Variants in CLVS1 observed in about 807,000 individuals in gnomAD.
CLVS1 encodes clavesin-1.
CLVS1 carries 10 observed loss-of-function variants against 33.1 expected under a neutral mutation model. The observed-to-expected ratio is 0.30, with a 90% confidence interval of 0.19 to 0.51. CLVS1 has a LOEUF of 0.51. Among genes scored for constraint, CLVS1 ranks in the 20% least tolerant of loss-of-function variants. CLVS1 has a pLI of 0.97. For missense variants in CLVS1, 343 were observed against 433.4 expected (o/e 0.79, Z 1.85); for synonymous variants, 163 against 166.1 (o/e 0.98, Z 0.14).
chr8:61,163,254 T>C (rs1806785747), intron 2 of CLVS1, among the ~76,000 whole-genome samples: 1 of 152,202 alleles, frequency 6.6e-6, no homozygotes, highest in African/African-American at 2.4e-5. Context: ...GGAGTGAATT[T>C]TTGGGTATCA....
intron 4 of CLVS1, 98 bp downstream of exon 4, chr8:61,454,349 T>A (rs1407642378): frequency 1.0e-5 from 9 of 903,402 alleles, no homozygotes; most frequent in Non-Finnish European, 1.7e-5. Context: ...TTTTCTCTCT[T>A]TCTCTCTTTA....
intron 2 of CLVS1, among the ~76,000 whole-genome samples, chr8:61,183,796 G>A (rs892073113): frequency 6.6e-6 from 1 of 152,184 alleles, no homozygotes; most frequent in African/African-American, 2.4e-5. Flanking sequence ...CACCCCGAAT[G>A]AGTAAGTAGA....
chr8:61,411,282 A>G (rs1347453753), intron 3 of CLVS1, among the ~76,000 whole-genome samples: 8 of 152,226 alleles, frequency 5.3e-5, no homozygotes, highest in Non-Finnish European at 1.2e-4. Context: ...AAAGCACTGA[A>G]TTCCTCCTGT....
chr8:61,381,089 A>G (rs1346658922), intron 3 of CLVS1, among the ~76,000 whole-genome samples: 1 of 151,806 alleles, frequency 6.6e-6, no homozygotes, highest in Non-Finnish European at 1.5e-5. Flanking sequence ...TGCTCATGTC[A>G]TTATGGTCTA....
At chr8:61,034,240 T>C in the CLVS1 span, among the ~76,000 whole-genome samples, 131 of 152,312 alleles carry the variant, frequency 8.6e-4, no homozygotes, top group East Asian at 0.014. Flanking sequence ...TTCATTTATT[T>C]ATTTATTTAT....
intron 1 of CLVS1, among the ~76,000 whole-genome samples, chr8:61,062,951 T>C (rs990245570): frequency 6.6e-6 from 1 of 152,198 alleles, no homozygotes; most frequent in Non-Finnish European, 1.5e-5. Context: ...TTTTATTGTT[T>C]ATTGTGTATC....
At chr8:61,322,537 A>C (rs1811231429) in intron 2 of CLVS1, among the ~76,000 whole-genome samples, 1 of 152,198 alleles carries the variant, frequency 6.6e-6, no homozygotes, top group African/African-American at 2.4e-5. Context: ...AGGGACTTCC[A>C]GTGCCATCGG....
intron 4 of CLVS1, among the ~76,000 whole-genome samples, chr8:61,456,052 C>G (rs1359912009): frequency 1.3e-5 from 2 of 152,246 alleles, no homozygotes; most frequent in Non-Finnish European, 2.9e-5. Flanking sequence ...AACATGGCTT[C>G]AGGCTTTCCA....
chr8:61,428,828 T>C, intron 3 of CLVS1, among the ~76,000 whole-genome samples: 1 of 152,224 alleles, frequency 6.6e-6, no homozygotes, highest in East Asian at 1.9e-4. Flanking sequence ...CCCACAGATA[T>C]TGATCCACAA....
intron 2 of CLVS1, among the ~76,000 whole-genome samples, chr8:61,252,594 G>A (rs1472290879): frequency 6.6e-6 from 1 of 152,022 alleles, no homozygotes; most frequent in African/African-American, 2.4e-5. Flanking sequence ...TATGAATCTG[G>A]GTGCTCCTGT....
At chr8:61,499,425 A>G (rs752009414) in intron 5 of CLVS1, 30 bp from the exon 6 acceptor site, 1 of 1,508,300 alleles carries the variant, frequency 6.6e-7, no homozygotes, top group Non-Finnish European at 9.2e-7. Context: ...ATTGTTTGTA[A>G]TTCTGTCTTT....
chr8:61,022,535 A>T, the CLVS1 span, among the ~76,000 whole-genome samples: 15,425 of 152,264 alleles, frequency 0.1, 1,028 homozygotes, highest in South Asian at 0.17. Flanking sequence ...AAATACATTT[A>T]AAAAAATCCA....
intron 1 of CLVS1, among the ~76,000 whole-genome samples, chr8:61,100,295 A>G (rs956781795): frequency 6.6e-6 from 1 of 152,216 alleles, no homozygotes; most frequent in Admixed American, 6.5e-5. Context: ...GTTAATCACT[A>G]TTTTATTAAT....
At position 61,177,359 on chromosome 8, in the gene CLVS1, G is replaced by T. The variant is rs186519337; in HGVS notation, c.-152+45499G>T. Among the ~76,000 whole-genome samples the T allele has an allele frequency of 5.1e-3, 783 of 152,308 alleles. 7 individuals carry two copies. The highest frequency in any genetic ancestry group is 0.018 in the African/African-American group (735 of 41,562). On this transcript the variant is annotated intron_variant, in intron 2 of 2. Coordinates refer to the CLVS1 transcript ENST00000522621. Reference sequence around the variant, plus strand: ...CTGGGCCTGAGCCACTAGCAGGAGGGGTGGCCATAGTCTCCATGGACCAGC... The same window carrying T: ...CTGGGCCTGAGCCACTAGCAGGAGGTGTGGCCATAGTCTCCATGGACCAGC...
rs1169239027 is a variant in CLVS1, at chr8:61,499,579, T to C, written c.*37T>C. 2.7e-6 allele frequency: 4 copies of C among 1,507,084 alleles called. No individual in the cohort carries two copies. Among genetic ancestry groups the C allele is most frequent in the Non-Finnish European group, 3.7e-6 (4 of 1,083,208 alleles). The allele number at this position is 1,507,084 out of a possible 1,614,324, so 93.4% of individuals were successfully genotyped here. A position where few individuals can be genotyped will look rare whatever the true frequency, so the allele number is the denominator to read the frequency against. On this transcript the variant is annotated 3_prime_UTR_variant, in exon 6 of 6. Transcript: ENST00000325897. Reference sequence around the variant, plus strand: ...CCCCAATGCTCCTGCACACTGGCCTTCAGTGGTATCAGCCACCCAGGAAGC... The same window carrying C: ...CCCCAATGCTCCTGCACACTGGCCTCCAGTGGTATCAGCCACCCAGGAAGC...
chr8:61,107,008 G>A (rs2129287557), intron 1 of CLVS1, among the ~76,000 whole-genome samples: 1 of 152,282 alleles, frequency 6.6e-6, no homozygotes, highest in South Asian at 2.1e-4. Context: ...CATAAAAGGT[G>A]GTTTTGGAGG....
intron 3 of CLVS1, among the ~76,000 whole-genome samples, chr8:61,442,840 C>T (rs570269014): frequency 1.2e-4 from 19 of 152,206 alleles, no homozygotes; most frequent in East Asian, 1.2e-3. Flanking sequence ...CCTCGTGATC[C>T]GCCCGCGTTG....
intron 2 of CLVS1, among the ~76,000 whole-genome samples, chr8:61,209,744 C>T (rs770407369): frequency 6.2e-4 from 94 of 152,154 alleles, no homozygotes; most frequent in Non-Finnish European, 8.5e-4. Context: ...TGTGATGTCT[C>T]AGATAGCCAA....
chr8:61,002,475 C>G, the CLVS1 span, among the ~76,000 whole-genome samples: 1 of 151,824 alleles, frequency 6.6e-6, no homozygotes, highest in Non-Finnish European at 1.5e-5. Context: ...ATTACAGGTG[C>G]CTGCCACCAT....
Sources: allele counts gnomAD v4.1 joint callset (sites outside exome capture counted in the v4.1 genomes callset), GRCh38; gene constraint gnomAD v4.1.1; transcripts MANE v1.5; gene names NCBI Gene and HGNC (gene_info 2026-07-23, HGNC 2026-07-21).